PEBP4: variants seen among roughly 807,000 people sequenced by gnomAD.
PEBP4 encodes phosphatidylethanolamine binding protein 4.
A neutral mutation model predicts 23.9 loss-of-function variants in PEBP4; 22 were observed. The observed-to-expected ratio is 0.92, with a 90% CI of 0.66 to 1.31. PEBP4 has a LOEUF of 1.31. Among genes scored for constraint, PEBP4 ranks in the 40% most tolerant of loss-of-function variants. The probability of loss-of-function intolerance (pLI) is 0.00; values close to 1 mark genes in which losing one functional copy is unlikely to be tolerated. For synonymous variants in PEBP4, 112 were observed against 99.3 expected, an observed-to-expected ratio of 1.13 and a Z score of -0.76; for missense variants, 324 against 281.7, an observed-to-expected ratio of 1.15 and a Z score of -1.07.
In PEBP4 at chr8:22,851,031, C is replaced by T. The variant is rs1807539892; in HGVS notation, c.259-33296G>A. ...TGGGCAAACATCATTGAATCAGCAA[C>T]ACTTGGATCCAGTTTCCATTGACAG... On this transcript the variant is annotated intron_variant, in intron 3 of 6. Coordinates refer to ENST00000256404, the MANE Select transcript of PEBP4 (RefSeq NM_144962.3). Among the ~76,000 whole-genome samples the T allele has an allele frequency of 2.6e-5, 4 of 152,204 alleles. No homozygotes were observed. In the South Asian group the frequency reaches 8.3e-4, roughly 32 times the overall value.
At chr8:22,912,186 C>G (rs1262528536) in intron 3 of PEBP4, among the ~76,000 whole-genome samples, 1 of 152,230 alleles carries the variant, frequency 6.6e-6, no homozygotes, top group African/African-American at 2.4e-5. Flanking sequence ...CTGAGTAAGA[C>G]AGTCGCCGGA....
At chr8:22,856,673 CCCATTGCA>C (rs1158300707) in intron 3 of PEBP4, among the ~76,000 whole-genome samples, 18 of 151,866 alleles carry the variant, frequency 1.2e-4, no homozygotes, top group African/African-American at 4.1e-4. Context: ...CCGAGATTGC[CCCATTGCA>C]CTCTAGCCTG....
intron 3 of PEBP4, among the ~76,000 whole-genome samples, chr8:22,901,578 C>G (rs986237869): frequency 3.9e-5 from 6 of 152,190 alleles, no homozygotes; most frequent in African/African-American, 1.4e-4. Context: ...AAGGCAACCT[C>G]CAGAGTCCTA....
chr8:22,795,942 T>C (rs369794557), intron 4 of PEBP4, among the ~76,000 whole-genome samples: 7 of 152,364 alleles, frequency 4.6e-5, no homozygotes, highest in African/African-American at 1.4e-4. Flanking sequence ...GGTGTGTTTG[T>C]ATGCCGAAAT....
chr8:22,889,505 G>A (rs1449302998), intron 3 of PEBP4, among the ~76,000 whole-genome samples: 2 of 152,196 alleles, frequency 1.3e-5, no homozygotes, highest in Non-Finnish European at 2.9e-5. Context: ...AAAAATTAAA[G>A]GCAAGAGAAG....
intron 4 of PEBP4, among the ~76,000 whole-genome samples, chr8:22,750,264 G>C (rs1386833175): frequency 6.6e-6 from 1 of 151,988 alleles, no homozygotes; most frequent in Non-Finnish European, 1.5e-5. Context: ...ACCACGCCCA[G>C]CTAATTTTTG....
chr8:22,857,975 T>C (rs985639509), intron 3 of PEBP4, among the ~76,000 whole-genome samples: 1 of 152,188 alleles, frequency 6.6e-6, no homozygotes, highest in African/African-American at 2.4e-5. Context: ...GGACCGTCCA[T>C]GGGGCAAACT....
chr8:22,718,166 TTCGGG>T (rs1223068872), intron 6 of PEBP4, among the ~76,000 whole-genome samples: 1 of 151,840 alleles, frequency 6.6e-6, no homozygotes. Context: ...CCAGCAGAGT[TTCGGG>T]GTGGTGAGGG....
chr8:22,927,853 A>G lies in PEBP4; in HGVS notation c.-37T>C, dbSNP rs1284157061. 5.7e-6 allele frequency: 6 copies of G among 1,048,472 alleles called. No homozygotes were observed. The highest frequency in any genetic ancestry group is 8.2e-6 in the Non-Finnish European group (6 of 731,864). The allele number at this position is 1,048,472 out of a possible 1,614,324, so 64.9% of individuals were successfully genotyped here. A position where few individuals can be genotyped will look rare whatever the true frequency, so the allele number is the denominator to read the frequency against. ...GTTAAGCACAGGGAGAAGGACAGGCAGCTTCCAGGGCTCCGCAGCTAATCC... is the reference window on the plus strand; with the variant it reads ...GTTAAGCACAGGGAGAAGGACAGGCGGCTTCCAGGGCTCCGCAGCTAATCC... On this transcript the variant is annotated 5_prime_UTR_variant, in exon 1 of 7. Transcript: ENST00000256404.
At chr8:22,894,080 C>T (rs1265988461) in intron 3 of PEBP4, among the ~76,000 whole-genome samples, 2 of 152,038 alleles carry the variant, frequency 1.3e-5, no homozygotes, top group East Asian at 1.9e-4. Flanking sequence ...ACTGGCAGCC[C>T]GCGGCATATA....
intron 3 of PEBP4, among the ~76,000 whole-genome samples, chr8:22,902,589 G>T (rs1259680714): frequency 6.6e-6 from 1 of 152,144 alleles, no homozygotes; most frequent in African/African-American, 2.4e-5. Context: ...TGGGTGGCCT[G>T]GACACCTGGA....
In PEBP4 at chr8:22,713,260, A is replaced by ATT. The variant is rs768291538; in HGVS notation, c.*108_*109dup. On this transcript the variant is annotated 3_prime_UTR_variant, in exon 7 of 7. Transcript: ENST00000256404. ...GATACAAAGCACCAAGCCCTGGATG[A>ATT]TTTTTTTTTTATTTGGAAAAGAAGG... 65 of 1,329,738 alleles carry ATT rather than the reference A, an allele frequency of 4.9e-5. 1 individual carries two copies. The highest frequency in any genetic ancestry group is 5.7e-4 in the Middle Eastern group (2 of 3,534). The allele number at this position is 1,329,738 out of a possible 1,614,324, so 82.4% of individuals were successfully genotyped here.
intron 3 of PEBP4, among the ~76,000 whole-genome samples, chr8:22,853,089 C>T (rs780701752): frequency 2.6e-5 from 4 of 152,216 alleles, no homozygotes; most frequent in South Asian, 2.1e-4. Flanking sequence ...AAGCATTTTC[C>T]GAACTAAGCA....
At chr8:22,891,627 T>A (rs1325398071) in intron 3 of PEBP4, among the ~76,000 whole-genome samples, 1 of 152,170 alleles carries the variant, frequency 6.6e-6, no homozygotes, top group Admixed American at 6.5e-5. Context: ...TATAGGGAAG[T>A]CTCAGAGAGA....
intron 4 of PEBP4, among the ~76,000 whole-genome samples, chr8:22,789,958 G>A (rs1204805753): frequency 6.6e-6 from 1 of 152,192 alleles, no homozygotes; most frequent in African/African-American, 2.4e-5. Context: ...AGAGGGTGTT[G>A]GGCCTGGCCT....
rs141917905 is a variant in PEBP4, at chr8:22,913,525, A to G, written c.258+6659T>C. ...GAGCTCCAGCTCCCAGGGCCAGCAT[A>G]GGGCAGCCCCCTCCAGCCCCTGCGG... On this transcript the variant is annotated intron_variant, in intron 3 of 6. Transcript: ENST00000256404. 3.8e-3 allele frequency among the ~76,000 whole-genome samples: 582 copies of G among 152,090 alleles called. 3 individuals carry two copies. Among genetic ancestry groups the G allele is most frequent in the African/African-American group, 0.013 (546 of 41,494 alleles).
intron 3 of PEBP4, among the ~76,000 whole-genome samples, chr8:22,855,698 T>C (rs1807631929): frequency 1.3e-5 from 2 of 152,092 alleles, no homozygotes; most frequent in South Asian, 4.2e-4. Context: ...AAAAGACTTA[T>C]TAGACTATGC....
intron 3 of PEBP4, among the ~76,000 whole-genome samples, chr8:22,915,735 C>T (rs182122735): frequency 6.6e-5 from 10 of 152,358 alleles, no homozygotes; most frequent in African/African-American, 1.4e-4. Context: ...TACTGGAAGA[C>T]GTCTCTGCTC....
At chr8:22,777,721 G>C (rs1563213156) in intron 4 of PEBP4, among the ~76,000 whole-genome samples, 1 of 152,190 alleles carries the variant, frequency 6.6e-6, no homozygotes, top group Non-Finnish European at 1.5e-5. Context: ...CAAGCCCCCA[G>C]CCTTCCTCTT....
Sources: allele counts gnomAD v4.1 joint callset (sites outside exome capture counted in the v4.1 genomes callset), GRCh38; gene constraint gnomAD v4.1.1; transcripts MANE v1.5; gene names NCBI Gene and HGNC (gene_info 2026-07-23, HGNC 2026-07-21).